The following WDR44 variants were observed in gnomAD, a reference collection of about 807,000 sequenced individuals.
The protein encoded by WDR44 is WD repeat domain 44, also known as WD repeat-containing protein 44.
In WDR44, 9 loss-of-function variants were observed where a neutral mutation model predicts 65.7. The ratio of observed to expected loss-of-function variants is 0.14; its 90% CI spans 0.08 to 0.24. The LOEUF (loss-of-function observed/expected upper bound fraction) is 0.24, where lower values mean the gene tolerates loss of function less well. WDR44 is among the 10% of genes least tolerant of loss of function. The pLI, the probability that WDR44 is intolerant of heterozygous loss-of-function variation, is 1.00. For synonymous variants in WDR44, 220 were observed against 235.2 expected (o/e 0.94, Z 0.59); for missense variants, 425 against 670.9 (o/e 0.63, Z 4.05).
intron 1 of WDR44, among the ~76,000 whole-genome samples, chrX:118,374,308 A>C (rs1479065253): frequency 8.9e-6 from 1 of 111,981 alleles, no homozygotes; most frequent in African/African-American, 3.2e-5. Context: ...ACATGATACA[A>C]ATCATTTTAG....
intron 2 of WDR44, among the ~76,000 whole-genome samples, chrX:118,382,512 T>G: frequency 8.9e-6 from 1 of 112,323 alleles, no homozygotes; most frequent in Non-Finnish European, 1.9e-5. Flanking sequence ...AAAATTTCAC[T>G]TTAGTAGCTT....
chrX:118,362,239 G>T (rs1336883386), intron 1 of WDR44, among the ~76,000 whole-genome samples: 1 of 112,202 alleles, frequency 8.9e-6, no homozygotes, highest in Non-Finnish European at 1.9e-5. Flanking sequence ...TACGCTTTTT[G>T]TAAAGTGAGG....
chrX:118,436,653 G>T, intron 13 of WDR44, 49 bp from the exon 14 acceptor site: 2 of 1,156,105 alleles, frequency 1.7e-6, no homozygotes, highest in Non-Finnish European at 1.2e-6. Flanking sequence ...GTATAAATAG[G>T]GTTCTTTTTC....
intron 2 of WDR44, chrX:118,386,584 T>G (rs2056769223): frequency 3.4e-6 from 1 of 295,347 alleles, no homozygotes; most frequent in Non-Finnish European, 6.3e-6. Context: ...ATTCCCTGAA[T>G]GTGGTTTTCT....
chrX:118,351,036 C>T (rs1315684495), intron 1 of WDR44, among the ~76,000 whole-genome samples: 1 of 112,059 alleles, frequency 8.9e-6, no homozygotes, highest in Non-Finnish European at 1.9e-5. Flanking sequence ...GTTTCTGGCA[C>T]TTACCCTATT....
At position 118,392,869 on chromosome X, in the gene WDR44, C is replaced by T. The variant is rs763160154; in HGVS notation, c.424C>T (p.Pro142Ser). Residue 142 changes from proline to serine, a missense_variant, in exon 4 of 20, where the codon CCT becomes TCT. This residue lies in a region of WDR44 where 193 missense variants were observed against 209.0 expected (regional missense o/e 0.92). Transcript: ENST00000254029. Reference protein sequence around the residue: ...ETELELKKCFPSDETCEKPVD... With the variant: ...ETELELKKCFSSDETCEKPVD... ...TGAATTAGAATTAAAAAAATGCTTTCCTTCTGATGAAACCTGTGAGAAACC... is the reference window on the plus strand; with the variant it reads ...TGAATTAGAATTAAAAAAATGCTTTTCTTCTGATGAAACCTGTGAGAAACC... 1 of 1,211,913 alleles carries T rather than the reference C, an allele frequency of 8.3e-7. No homozygotes were observed. The highest frequency in any genetic ancestry group is 3.0e-5 in the East Asian group (1 of 33,836).
chrX:118,427,802 G>A (rs2057171585), intron 12 of WDR44, among the ~76,000 whole-genome samples: 1 of 106,408 alleles, frequency 9.4e-6, no homozygotes, highest in Non-Finnish European at 1.9e-5. Context: ...AGCCTCCCGA[G>A]TAGCTGGGAC....
At chrX:118,391,506 A>G (rs988976791) in intron 3 of WDR44, among the ~76,000 whole-genome samples, 3 of 112,294 alleles carry the variant, frequency 2.7e-5, no homozygotes, top group African/African-American at 6.5e-5. Context: ...GGATGGTTCT[A>G]TGATGCATTC....
intron 1 of WDR44, among the ~76,000 whole-genome samples, chrX:118,354,435 C>G (rs2056441766): frequency 9.5e-6 from 1 of 105,311 alleles, no homozygotes; most frequent in Non-Finnish European, 1.9e-5. Flanking sequence ...AAAAAAAAAA[C>G]TATAGTTAAA....
intron 13 of WDR44, among the ~76,000 whole-genome samples, chrX:118,436,127 A>T (rs1435560546): frequency 8.9e-6 from 1 of 112,312 alleles, no homozygotes; most frequent in Non-Finnish European, 1.9e-5. Flanking sequence ...TTACACTACC[A>T]TCTTCTAGCC....
At chrX:118,430,647 C>T (rs1429826830) in intron 12 of WDR44, among the ~76,000 whole-genome samples, 1 of 111,270 alleles carries the variant, frequency 9.0e-6, no homozygotes. Context: ...CAAGACCAGC[C>T]TGGCCAACAT....
intron 1 of WDR44, among the ~76,000 whole-genome samples, chrX:118,348,702 G>C (rs764787332): frequency 8.9e-6 from 1 of 112,019 alleles, no homozygotes; most frequent in South Asian, 3.7e-4. Context: ...ACCGTGAGGA[G>C]ATCTGGGTGG....
At chrX:118,436,598 A>G in intron 13 of WDR44, 104 bp from the exon 14 acceptor site, 2 of 893,712 alleles carry the variant, frequency 2.2e-6, no homozygotes, top group Non-Finnish European at 3.2e-6. Flanking sequence ...GCATTTAACA[A>G]TAACAAAACT....
At chrX:118,441,608 C>CT in intron 15 of WDR44, 49 bp downstream of exon 15, 1 of 1,085,509 alleles carries the variant, frequency 9.2e-7, no homozygotes, top group Non-Finnish European at 1.2e-6. Context: ...TTAGTAAACA[C>CT]TTTCATGGTT....
At chrX:118,363,892 A>T (rs1337874408) in intron 1 of WDR44, among the ~76,000 whole-genome samples, 1 of 112,403 alleles carries the variant, frequency 8.9e-6, no homozygotes, top group Non-Finnish European at 1.9e-5. Flanking sequence ...GCTGTAATAC[A>T]TCTAAAATAA....
At chrX:118,398,051 A>G (rs1240068007) in intron 7 of WDR44, among the ~76,000 whole-genome samples, 2 of 111,447 alleles carry the variant, frequency 1.8e-5, no homozygotes, top group Non-Finnish European at 3.8e-5. Flanking sequence ...AGCCTGGGCA[A>G]CATGGTGAAA....
intron 1 of WDR44, among the ~76,000 whole-genome samples, chrX:118,377,493 T>C (rs994919628): frequency 8.9e-6 from 1 of 111,790 alleles, no homozygotes. Flanking sequence ...CAATGAGATA[T>C]ACTTTTGCCT....
chrX:118,389,982 C>T (rs2056804907), intron 3 of WDR44, among the ~76,000 whole-genome samples: 1 of 109,819 alleles, frequency 9.1e-6, no homozygotes, highest in African/African-American at 3.3e-5. Flanking sequence ...CAACCTCCAC[C>T]TCCTGGGTTG....
chrX:118,346,597 A>G lies in WDR44; in HGVS notation c.77+17A>G, dbSNP rs1450738878. 1.7e-6 allele frequency: 2 copies of G among 1,151,705 alleles called. No homozygotes were observed. The highest frequency in any genetic ancestry group is 3.2e-5 in the East Asian group (1 of 31,181). 94.9% of individuals were successfully genotyped at this position (1,151,705 alleles called of 1,213,427 possible). On this transcript the variant is annotated intron_variant, in intron 1 of 19. Coordinates refer to ENST00000254029, the MANE Select transcript of WDR44 (RefSeq NM_019045.5). ...CCCCGTGGGGTAAGTGACTGCAGCT[A>G]TGACAGGAAGCCGGGCATCCCAAGC...
Sources: gnomAD v4.1 joint callset for allele counts (sites outside exome capture counted in the v4.1 genomes callset) on GRCh38, gnomAD v4.1.1 for gene constraint, gnomAD v4.1.1 regional missense constraint, MANE v1.5 for transcripts, NCBI Gene and HGNC (gene_info 2026-07-23, HGNC 2026-07-21) for gene names.